CRACR2A: variants seen among roughly 807,000 people sequenced by gnomAD.
The protein encoded by CRACR2A is calcium release activated channel regulator 2A, also known as EF-hand calcium-binding domain-containing protein 4B.
A neutral mutation model predicts 90.5 loss-of-function variants in CRACR2A; 79 were observed. The observed-to-expected ratio is 0.87, with a 90% confidence interval of 0.73 to 1.05. The LOEUF is 1.05. CRACR2A is among the 50% of genes least tolerant of loss of function. The pLI, the probability that CRACR2A is intolerant of heterozygous loss-of-function variation, is 0.00. For missense variants in CRACR2A, 823 were observed against 897.2 expected (o/e 0.92, Z 1.06); for synonymous variants, 338 against 356.7 (o/e 0.95, Z 0.59).
At chr12:3,660,864 AC>A (rs1945018616) in intron 7 of CRACR2A, among the ~76,000 whole-genome samples, 9 of 146,456 alleles carry the variant, frequency 6.1e-5, no homozygotes, top group Non-Finnish European at 1.3e-4. Context: ...ACACACACAC[AC>A]ACACACACAC....
At chr12:3,705,774 G>A (rs982503932) in intron 3 of CRACR2A, among the ~76,000 whole-genome samples, 4 of 152,194 alleles carry the variant, frequency 2.6e-5, no homozygotes, top group African/African-American at 9.7e-5. Flanking sequence ...TGTGGGGTCC[G>A]CACTAACTGG....
At chr12:3,660,464 G>T (rs1407401824) in intron 7 of CRACR2A, among the ~76,000 whole-genome samples, 1 of 152,022 alleles carries the variant, frequency 6.6e-6, no homozygotes, top group African/African-American at 2.4e-5. Context: ...CTAGAGAGAT[G>T]AAGACAAACA....
chr12:3,747,911 GGCTC>G, intron 1 of CRACR2A, among the ~76,000 whole-genome samples: 1 of 149,170 alleles, frequency 6.7e-6, no homozygotes, highest in East Asian at 1.9e-4. Context: ...GAGTTCCACA[GGCTC>G]AGGGGTACAC....
intron 2 of CRACR2A, among the ~76,000 whole-genome samples, chr12:3,719,455 G>A (rs1946125841): frequency 6.6e-6 from 1 of 152,152 alleles, no homozygotes; most frequent in Non-Finnish European, 1.5e-5. Flanking sequence ...CTCAAAGGCT[G>A]AGCCCTGCAT....
At chr12:3,677,144 C>T (rs1049679941) in intron 6 of CRACR2A, among the ~76,000 whole-genome samples, 12 of 152,124 alleles carry the variant, frequency 7.9e-5, no homozygotes, top group African/African-American at 1.2e-4. Flanking sequence ...GGAGTATAGG[C>T]TAGAAAGGAT....
intron 4 of CRACR2A, among the ~76,000 whole-genome samples, chr12:3,692,008 A>G (rs1232608978): frequency 6.6e-6 from 1 of 152,150 alleles, no homozygotes; most frequent in Non-Finnish European, 1.5e-5. Flanking sequence ...GGTCAGTTAC[A>G]TTGTTTTCTA....
chr12:3,678,988 C>T lies in CRACR2A; in HGVS notation c.451G>A (p.Asp151Asn), dbSNP rs755977858. 6.4e-5 allele frequency: 104 copies of T among 1,613,934 alleles called. No homozygotes were observed. The highest frequency in any genetic ancestry group is 8.0e-5 in the Non-Finnish European group (94 of 1,179,994). The change falls in exon 6 of 20, where the codon GAC becomes AAC. Residue 151 changes from aspartate to asparagine, a missense_variant. Asp to Asn is a conservative substitution (Grantham distance 23). Coordinates refer to ENST00000440314, the MANE Select transcript of CRACR2A (RefSeq NM_001144958.2). ...YLSRGDEDLGDMGEDEEAQFR... is the reference protein window; with the variant it reads ...YLSRGDEDLGNMGEDEEAQFR... ...TGGGCTTCCTCATCTTCGCCCATGT[C>T]GCCCAGATCCTCATCCCCTCTGGAC...
intron 17 of CRACR2A, among the ~76,000 whole-genome samples, 187 bp downstream of exon 17, chr12:3,627,249 C>T (rs1224116616): frequency 5.9e-5 from 9 of 152,166 alleles, no homozygotes; most frequent in Admixed American, 5.9e-4. Context: ...TTCTGGGTCC[C>T]CAGGAACTGG....
chr12:3,642,058 A>C lies in CRACR2A; in HGVS notation c.1165-220T>G, dbSNP rs535624598. 2.2e-4 allele frequency among the ~76,000 whole-genome samples: 34 copies of C among 152,278 alleles called. 1 individual carries two copies. The South Asian group carries it at 6.9e-3, about 31-fold the overall frequency. On this transcript the variant is annotated intron_variant, in intron 12 of 19. Transcript: ENST00000440314. ...TCCTTTCCAGTCAGCTAATCAAATG[A>C]ACAAGTGCACAGTTTACAGCCTGGG...
At chr12:3,668,768 C>T (rs1262341436) in intron 7 of CRACR2A, among the ~76,000 whole-genome samples, 2 of 152,180 alleles carry the variant, frequency 1.3e-5, no homozygotes, top group East Asian at 1.9e-4. Flanking sequence ...TGGACACCTT[C>T]CCAGAGCACA....
intron 2 of CRACR2A, among the ~76,000 whole-genome samples, chr12:3,714,389 C>A (rs779666206): frequency 1.3e-5 from 2 of 152,192 alleles, no homozygotes; most frequent in Non-Finnish European, 2.9e-5. Context: ...CACCTGTTGG[C>A]ACCCCTGTCC....
chr12:3,693,457 G>A (rs1281744106), intron 4 of CRACR2A, among the ~76,000 whole-genome samples: 1 of 152,242 alleles, frequency 6.6e-6, no homozygotes. Context: ...AAAGTCTCCT[G>A]TGGGAGTAAG....
At chr12:3,648,362 A>G (rs1484958319) in intron 11 of CRACR2A, 180 bp downstream of exon 11, 26 of 1,509,186 alleles carry the variant, frequency 1.7e-5, no homozygotes, top group Non-Finnish European at 8.8e-7. Context: ...AAACGGACCA[A>G]ACATAATAGA....
chr12:3,662,436 A>G (rs530202359), intron 7 of CRACR2A, among the ~76,000 whole-genome samples: 2 of 152,340 alleles, frequency 1.3e-5, no homozygotes, highest in African/African-American at 4.8e-5. Flanking sequence ...CTGAGGCGGT[A>G]CCTGCCCTAT....
rs1944545651 is a variant in CRACR2A, at chr12:3,640,529, C to A, written c.1271+1203G>T. The A allele has an allele frequency of 3.2e-6, 4 of 1,231,478 alleles. No individual in the cohort carries two copies. In the South Asian group the frequency reaches 5.8e-5, roughly 18 times the overall value. The allele number at this position is 1,231,478 out of a possible 1,614,324, so 76.3% of individuals were successfully genotyped here. ...ACGTCTGCTGAATCAATCAATCAAT[C>A]CATTCCATTCTGAGGAACCAACAGG... On this transcript the variant is annotated intron_variant, in intron 13 of 19. Coordinates refer to ENST00000440314, the MANE Select transcript of CRACR2A (RefSeq NM_001144958.2).
At chr12:3,687,846 A>C (rs1171461134) in intron 4 of CRACR2A, among the ~76,000 whole-genome samples, 1 of 152,242 alleles carries the variant, frequency 6.6e-6, no homozygotes, top group African/African-American at 2.4e-5. Context: ...CAACCTTGCC[A>C]GCACCTGTTA....
intron 2 of CRACR2A, among the ~76,000 whole-genome samples, chr12:3,720,382 AG>A (rs147985700): frequency 1.9e-3 from 184 of 98,714 alleles, no homozygotes; most frequent in African/African-American, 6.3e-3. Context: ...AAACGAAGGA[AG>A]GGGGAGGGGG....
chr12:3,723,423 T>C (rs1946212491), intron 2 of CRACR2A, among the ~76,000 whole-genome samples: 1 of 152,184 alleles, frequency 6.6e-6, no homozygotes, highest in South Asian at 2.1e-4. Flanking sequence ...TTGGATTTTC[T>C]AATAAATAAG....
Position 3,678,940 on chromosome 12 carries a change from G to C in CRACR2A, c.499C>G (p.Leu167Val). Residue 167 changes from leucine to valine, a missense_variant, in exon 6 of 20, where the codon CTT becomes GTT. Coordinates refer to ENST00000440314, the MANE Select transcript of CRACR2A (RefSeq NM_001144958.2). ...TCTTCCAACACCTTTTGGGCTCCAA[G>C]TCTGTCCATCAGCATCCGGAACTGG... ...EAQFRMLMDRLGAQKVLEDES... is the reference protein window; with the variant it reads ...EAQFRMLMDRVGAQKVLEDES... 6.2e-7 allele frequency: 1 copy of C among 1,611,916 alleles called. No homozygotes were observed. The highest frequency in any genetic ancestry group is 2.2e-5 in the East Asian group (1 of 44,804).
Sources: allele counts gnomAD v4.1 joint callset (sites outside exome capture counted in the v4.1 genomes callset), GRCh38; gene constraint gnomAD v4.1.1; transcripts MANE v1.5; gene names NCBI Gene and HGNC (gene_info 2026-07-23, HGNC 2026-07-21).